The following CSMD1 variants were observed in gnomAD, a reference collection of about 807,000 sequenced individuals.
CSMD1 encodes CUB and sushi domain-containing protein 1.
CSMD1 carries 213 observed loss-of-function variants against 417.5 expected under a neutral mutation model. That is an observed-to-expected ratio of 0.51 (90% confidence interval 0.46 to 0.57). CSMD1 has a LOEUF of 0.57. CSMD1 is among the 20% of genes least tolerant of loss of function. CSMD1 has a pLI of 0.00. For synonymous variants in CSMD1, 2,862 were observed against 1,736.8 expected, an observed-to-expected ratio of 1.65 and a Z score of -16.11; for missense variants, 6,923 against 4,529.7, an observed-to-expected ratio of 1.53 and a Z score of -15.17.
chr8:3,472,837 T>C (rs911509893), intron 11 of CSMD1, among the ~76,000 whole-genome samples: 1 of 152,132 alleles, frequency 6.6e-6, no homozygotes, highest in African/African-American at 2.4e-5. Context: ...CCTAAGTTTT[T>C]TTTTTATTCT....
chr8:3,442,609 T>A (rs1815057000), intron 12 of CSMD1, among the ~76,000 whole-genome samples: 1 of 152,198 alleles, frequency 6.6e-6, no homozygotes, highest in Non-Finnish European at 1.5e-5. Context: ...GGTAGCAGGC[T>A]ATACAATCTG....
chr8:4,138,088 G>C (rs1177575873), intron 3 of CSMD1, among the ~76,000 whole-genome samples: 6 of 42,850 alleles, frequency 1.4e-4, no homozygotes, highest in Admixed American at 3.1e-4. Flanking sequence ...TTTTTTTTTT[G>C]TATTTTTTAG....
At chr8:4,108,747 T>C (rs1429149296) in intron 3 of CSMD1, among the ~76,000 whole-genome samples, 2 of 151,636 alleles carry the variant, frequency 1.3e-5, no homozygotes, top group Non-Finnish European at 3.0e-5. Flanking sequence ...TTGTTACATT[T>C]AGTTTCTAGG....
intron 3 of CSMD1, among the ~76,000 whole-genome samples, chr8:4,196,216 T>A (rs1488204005): frequency 6.6e-6 from 1 of 151,972 alleles, no homozygotes; most frequent in Admixed American, 6.6e-5. Flanking sequence ...GTTTCAAAAA[T>A]AAATAAATAA....
At chr8:4,365,345 T>G (rs887249376) in intron 3 of CSMD1, among the ~76,000 whole-genome samples, 1 of 152,264 alleles carries the variant, frequency 6.6e-6, no homozygotes, top group South Asian at 2.1e-4. Context: ...ATGCTAAGAT[T>G]ATCAAAATCA....
chr8:3,578,630 T>C (rs1239325028), intron 9 of CSMD1, among the ~76,000 whole-genome samples: 1 of 152,174 alleles, frequency 6.6e-6, no homozygotes, highest in Non-Finnish European at 1.5e-5. Context: ...TGAAAGTTTA[T>C]CACCTGCCTC....
rs1585041251 is a variant in CSMD1, at chr8:4,416,254, T to C, written c.415+3699A>G. Among the ~76,000 whole-genome samples, 4 of 152,272 alleles carry C rather than the reference T, an allele frequency of 2.6e-5. No homozygotes were observed. In the South Asian group the frequency reaches 8.3e-4, roughly 32 times the overall value. On this transcript the variant is annotated intron_variant, in intron 3 of 69. Transcript: ENST00000635120. ...GGTTGGATTATGTACAAAACTTCTA[T>C]TTTCCGAAAGCTACTGGATCATAAA...
chr8:2,947,223 T>C (rs1056810892), intron 68 of CSMD1, among the ~76,000 whole-genome samples: 1 of 152,182 alleles, frequency 6.6e-6, no homozygotes, highest in Non-Finnish European at 1.5e-5. Flanking sequence ...TATTGTTGAG[T>C]TTCTTACGCA....
At chr8:4,875,474 T>A (rs372995340) in intron 1 of CSMD1, among the ~76,000 whole-genome samples, 1 of 152,176 alleles carries the variant, frequency 6.6e-6, no homozygotes, top group East Asian at 1.9e-4. Flanking sequence ...CATGTTTGGA[T>A]GCAAAGCGTC....
At chr8:3,120,784 T>TTGC (rs1817159999) in intron 41 of CSMD1, among the ~76,000 whole-genome samples, 1 of 151,958 alleles carries the variant, frequency 6.6e-6, no homozygotes, top group African/African-American at 2.4e-5. Flanking sequence ...GAGCAGAAGG[T>TTGC]TGCAGTGAGC....
intron 2 of CSMD1, among the ~76,000 whole-genome samples, chr8:4,492,869 A>G (rs1027176289): frequency 5.3e-5 from 8 of 152,234 alleles, no homozygotes; most frequent in Non-Finnish European, 1.2e-4. Context: ...ACATGCTTGA[A>G]AAATACATTT....
chr8:3,348,267 T>C lies in CSMD1; in HGVS notation c.3305-106A>G, dbSNP rs377267505. On this transcript the variant is annotated intron_variant, in intron 21 of 69. Coordinates refer to ENST00000635120, the MANE Select transcript of CSMD1 (RefSeq NM_033225.6). ...GATAGCCTCCTCTTCTATCAACGTA[T>C]GTGTGTTAGTAATATATTATTTCAA... The C allele has an allele frequency of 1.3e-4, 106 of 787,480 alleles. No homozygotes were observed. The East Asian group carries it at 1.5e-3, about 11-fold the overall frequency. 48.8% of individuals were successfully genotyped at this position (787,480 alleles called of 1,614,324 possible).
intron 3 of CSMD1, among the ~76,000 whole-genome samples, chr8:4,102,955 GA>G: frequency 6.6e-6 from 1 of 152,230 alleles, no homozygotes; most frequent in African/African-American, 2.4e-5. Context: ...CAAATTCCCT[GA>G]TAACTTTAAC....
At chr8:3,609,972 T>A in intron 8 of CSMD1, among the ~76,000 whole-genome samples, 1 of 151,906 alleles carries the variant, frequency 6.6e-6, no homozygotes, top group East Asian at 1.9e-4. Context: ...CAGCTAATTT[T>A]TGTATTTTTA....
chr8:4,970,367 G>C (rs1810162887), intron 1 of CSMD1, among the ~76,000 whole-genome samples: 1 of 152,040 alleles, frequency 6.6e-6, no homozygotes, highest in Non-Finnish European at 1.5e-5. Flanking sequence ...TTCAAAAATG[G>C]TATCAGCTTT....
chr8:3,076,316 C>T (rs1293726594), intron 49 of CSMD1, among the ~76,000 whole-genome samples: 1 of 73,486 alleles, frequency 1.4e-5, no homozygotes. Context: ...AGGCTAACTT[C>T]CTCTTTGTAT....
At chr8:3,520,680 TAA>T (rs1187501408) in intron 10 of CSMD1, among the ~76,000 whole-genome samples, 1 of 152,056 alleles carries the variant, frequency 6.6e-6, no homozygotes. Flanking sequence ...TTTGTTTCTT[TAA>T]GTCTGTTTTT....
intron 7 of CSMD1, among the ~76,000 whole-genome samples, chr8:3,696,691 T>A (rs1297108160): frequency 1.3e-5 from 2 of 152,176 alleles, no homozygotes; most frequent in African/African-American, 4.8e-5. Context: ...CAACAGTCAG[T>A]AAGGGAAGTC....
At chr8:3,669,475 A>AATT (rs1307088944) in intron 7 of CSMD1, among the ~76,000 whole-genome samples, 2 of 152,174 alleles carry the variant, frequency 1.3e-5, no homozygotes, top group African/African-American at 4.8e-5. Flanking sequence ...CAACATCAGT[A>AATT]ATTAGATATC....
Sources: allele counts gnomAD v4.1 joint callset (sites outside exome capture counted in the v4.1 genomes callset), GRCh38; gene constraint gnomAD v4.1.1; transcripts MANE v1.5; gene names NCBI Gene and HGNC (gene_info 2026-07-23, HGNC 2026-07-21).